KCNK13: variants seen among roughly 807,000 people sequenced by gnomAD.
KCNK13 encodes potassium channel subfamily K member 13.
A neutral mutation model predicts 23.4 loss-of-function variants in KCNK13; 12 were observed. That is an observed-to-expected ratio of 0.51 (90% CI 0.33 to 0.83). KCNK13 has a LOEUF of 0.83. Among genes scored for constraint, KCNK13 ranks in the 40% least tolerant of loss-of-function variants. KCNK13 has a pLI of 0.02. For missense variants in KCNK13, 463 were observed against 556.3 expected (o/e 0.83, Z 1.69); for synonymous variants, 231 against 229.5 (o/e 1.01, Z -0.06).
At chr14:90,169,195 T>C (rs573992050) in intron 1 of KCNK13, among the ~76,000 whole-genome samples, 1 of 152,358 alleles carries the variant, frequency 6.6e-6, no homozygotes, top group Admixed American at 6.5e-5. Flanking sequence ...TGTGATCAGA[T>C]CTTCCATCCT....
intron 1 of KCNK13, among the ~76,000 whole-genome samples, chr14:90,098,091 T>G (rs1038607828): frequency 6.6e-6 from 1 of 152,194 alleles, no homozygotes; most frequent in East Asian, 1.9e-4. Context: ...GCCTCATGTG[T>G]CTGTCTATAT....
intron 1 of KCNK13, among the ~76,000 whole-genome samples, chr14:90,100,045 T>G (rs931256419): frequency 6.6e-6 from 1 of 152,212 alleles, no homozygotes; most frequent in African/African-American, 2.4e-5. Flanking sequence ...GCTCCTGCCC[T>G]TCCCATCGCA....
At chr14:90,112,174 A>G (rs1889623281) in intron 1 of KCNK13, among the ~76,000 whole-genome samples, 1 of 152,118 alleles carries the variant, frequency 6.6e-6, no homozygotes, top group South Asian at 2.1e-4. Context: ...ACATTCCTGC[A>G]CCGTCCTGCG....
intron 1 of KCNK13, among the ~76,000 whole-genome samples, chr14:90,141,367 A>C (rs60949537): frequency 0.016 from 2,446 of 152,362 alleles, 52 homozygotes; most frequent in African/African-American, 0.056. Context: ...GCATACAAAT[A>C]CATGCATTCC....
rs199725175 is a variant in KCNK13 at position 90,123,627 on chromosome 14, TTAG to T, written c.335-60469_335-60467del. Among the ~76,000 whole-genome samples, 17 of 152,134 alleles carry T rather than the reference TTAG, an allele frequency of 1.1e-4. No individual in the cohort carries two copies. In the East Asian group the frequency reaches 3.1e-3, roughly 28 times the overall value. On this transcript the variant is annotated intron_variant, in intron 1 of 1. Transcript: ENST00000282146. ...AGTCCTCGTTTGTGAGATATGGCTA[TTAG>T]TAGTAGTAGTAGTATTTTTGAGACA... is the stretch of plus-strand genomic sequence containing the variant.
chr14:90,183,574 TATC>T (rs1566654376), intron 1 of KCNK13, among the ~76,000 whole-genome samples: 2 of 152,118 alleles, frequency 1.3e-5, no homozygotes, highest in African/African-American at 4.8e-5. Flanking sequence ...TACCACACAA[TATC>T]ATCATCATCT....
intron 1 of KCNK13, among the ~76,000 whole-genome samples, chr14:90,140,014 G>C (rs1284725162): frequency 6.6e-6 from 1 of 152,154 alleles, no homozygotes; most frequent in Non-Finnish European, 1.5e-5. Context: ...GTCCAGACCA[G>C]CAGTGAGGTC....
rs1888988881 is a variant in KCNK13, at chr14:90,064,769, T to C, written c.334+2230T>C. On this transcript the variant is annotated intron_variant, in intron 1 of 1. Transcript: ENST00000282146. ...TAAAAAACATGATGTCAGTGTGGGC[T>C]GATTTTTATTTCTCATTTGTAACAT... 3.3e-5 allele frequency among the ~76,000 whole-genome samples: 5 copies of C among 152,242 alleles called. No individual in the cohort carries two copies. The South Asian group carries it at 1.0e-3, about 31-fold the overall frequency.
At chr14:90,078,728 C>G (rs565662984) in intron 1 of KCNK13, among the ~76,000 whole-genome samples, 1 of 151,946 alleles carries the variant, frequency 6.6e-6, no homozygotes, top group Admixed American at 6.6e-5. Flanking sequence ...ACCGAGCTCC[C>G]GGAGCTGATA....
rs149926562 is a variant in KCNK13, at chr14:90,156,812, C to A, written c.335-27299C>A. 1.7e-3 allele frequency among the ~76,000 whole-genome samples: 253 copies of A among 152,298 alleles called. 3 individuals are homozygous for A. The highest frequency in any genetic ancestry group is 1.5e-3 in the Non-Finnish European group (100 of 68,028). ...AGTCCCTGCTTTTCCCCATGGTGCT[C>A]TTCTGCCTCACATGCAGGAGGCCAC... On this transcript the variant is annotated intron_variant, in intron 1 of 1. Transcript: ENST00000282146.
chr14:90,143,551 A>G (rs1890039638), intron 1 of KCNK13, among the ~76,000 whole-genome samples: 1 of 152,106 alleles, frequency 6.6e-6, no homozygotes, highest in African/African-American at 2.4e-5. Flanking sequence ...CCCTCACATT[A>G]TCTAGATTAT....
intron 1 of KCNK13, among the ~76,000 whole-genome samples, chr14:90,147,918 C>G (rs1184954786): frequency 6.6e-6 from 1 of 152,144 alleles, no homozygotes; most frequent in Non-Finnish European, 1.5e-5. Context: ...GGCCTGTAAT[C>G]CCAGCACTTT....
chr14:90,137,069 T>C (rs1049328141), intron 1 of KCNK13, among the ~76,000 whole-genome samples: 16 of 152,178 alleles, frequency 1.1e-4, no homozygotes, highest in East Asian at 3.9e-4. Flanking sequence ...GTCCTTCTGA[T>C]TCATGTTTCT....
At chr14:90,113,428 T>C (rs1889638780) in intron 1 of KCNK13, among the ~76,000 whole-genome samples, 2 of 152,300 alleles carry the variant, frequency 1.3e-5, no homozygotes, top group East Asian at 1.9e-4. Context: ...TTGAATCAAA[T>C]AGAGTGTCTG....
intron 1 of KCNK13, among the ~76,000 whole-genome samples, chr14:90,119,573 A>G (rs1198356257): frequency 6.6e-6 from 1 of 152,150 alleles, no homozygotes; most frequent in African/African-American, 2.4e-5. Flanking sequence ...ATACCAGTGC[A>G]TACCCACTAG....
rs747979290 is a variant in KCNK13 at position 90,112,023 on chromosome 14, A to AT, written c.334+49485dup. Among the ~76,000 whole-genome samples the AT allele has an allele frequency of 3.0e-4, 46 of 152,090 alleles. 1 individual carries two copies. The highest frequency in any genetic ancestry group is 5.7e-4 in the Non-Finnish European group (39 of 68,016). Reference sequence around the variant, plus strand: ...GGGGCTGGCCCCACCCTGACCTTATATCCCAATTCTGGGAGCTGGGACGTC... The same window carrying AT: ...GGGGCTGGCCCCACCCTGACCTTATATTCCCAATTCTGGGAGCTGGGACGTC... On this transcript the variant is annotated intron_variant, in intron 1 of 1. Transcript: ENST00000282146.
At chr14:90,124,011 T>G (rs1889768527) in intron 1 of KCNK13, among the ~76,000 whole-genome samples, 1 of 152,206 alleles carries the variant, frequency 6.6e-6, no homozygotes, top group South Asian at 2.1e-4. Flanking sequence ...GATTCTAATA[T>G]GTACCCAGGA....
Position 90,138,459 on chromosome 14 carries a change from G to A in KCNK13, c.335-45652G>A, listed in dbSNP as rs776377814. Among the ~76,000 whole-genome samples, 12 of 152,318 alleles carry A rather than the reference G, an allele frequency of 7.9e-5. No individual in the cohort carries two copies. The South Asian group carries it at 8.3e-4, about 11-fold the overall frequency. ...GATAAAATGTGACAGTGTGCTTAAA[G>A]TGTTTAGCCCAGCACCTGTCACACA... On this transcript the variant is annotated intron_variant, in intron 1 of 1. Transcript: ENST00000282146.
chr14:90,063,977 G>A (rs1391375921), intron 1 of KCNK13, among the ~76,000 whole-genome samples: 3 of 152,186 alleles, frequency 2.0e-5, no homozygotes, highest in Non-Finnish European at 4.4e-5. Context: ...CCATAACTGG[G>A]TATCAGGCAG....
Sources: allele counts gnomAD v4.1 joint callset (sites outside exome capture counted in the v4.1 genomes callset), GRCh38; gene constraint gnomAD v4.1.1; transcripts MANE v1.5; gene names NCBI Gene and HGNC (gene_info 2026-07-23, HGNC 2026-07-21).